ACAD10: variants seen among roughly 807,000 people sequenced by gnomAD.
ACAD10 encodes ACAD-10.
In ACAD10, 112 loss-of-function variants were observed where a neutral mutation model predicts 116.8. The ratio of observed to expected loss-of-function variants is 0.96; its 90% CI spans 0.82 to 1.12. The LOEUF is 1.12. Ranked by LOEUF, ACAD10 falls within the 50% of genes most tolerant of loss-of-function variation. The probability of loss-of-function intolerance (pLI) is 0.00; values close to 1 mark genes in which losing one functional copy is unlikely to be tolerated. For synonymous variants in ACAD10, 486 were observed against 510.6 expected, an observed-to-expected ratio of 0.95 and a Z score of 0.65; for missense variants, 1,259 against 1,350.2, an observed-to-expected ratio of 0.93 and a Z score of 1.06.
intron 18 of ACAD10, among the ~76,000 whole-genome samples, chr12:111,750,451 T>C (rs1890044562): frequency 6.6e-6 from 1 of 152,154 alleles, no homozygotes; most frequent in African/African-American, 2.4e-5. Context: ...CCAGGCATGG[T>C]AGCATGTGTC....
chr12:111,725,599 GT>G (rs1348845059), intron 8 of ACAD10, among the ~76,000 whole-genome samples: 1 of 151,696 alleles, frequency 6.6e-6, no homozygotes, highest in Non-Finnish European at 1.5e-5. Flanking sequence ...AAATGGCGCG[GT>G]CTGGGCACAC....
rs778771340 is a variant in ACAD10 at position 111,721,671 on chromosome 12, G to C, written c.993G>C (p.Arg331Ser). 1.1e-5 allele frequency: 18 copies of C among 1,599,856 alleles called. No individual in the cohort carries two copies. Among genetic ancestry groups the C allele is most frequent in the Non-Finnish European group, 1.3e-5 (15 of 1,169,156 alleles). The change falls in exon 8 of 21, where the codon AGG (arginine) becomes AGC (serine). Residue 331 changes from arginine to serine, a missense_variant and splice_region_variant. Transcript: ENST00000313698. ...TGTTTATTTTCATTTGTCCTTGCAG[G>C]ATTATGAAAGCCCTTGCAAATGCTG... Reference protein sequence around the residue: ...PSAHAIEREFRIMKALANAGV... With the variant: ...PSAHAIEREFSIMKALANAGV...
intron 3 of ACAD10, 76 bp from the exon 4 acceptor site, chr12:111,705,662 T>A (rs1403979280): frequency 4.9e-6 from 6 of 1,215,034 alleles, no homozygotes; most frequent in Non-Finnish European, 6.9e-6. Context: ...GGAATAAGCA[T>A]TTTTTTTTTC....
chr12:111,746,167 T>A lies in ACAD10; in HGVS notation c.2139T>A (p.Leu713=), dbSNP rs1296500060. The change falls in exon 14 of 21, where the codon CTT becomes CTA. Residue 713 remains leucine (L), a synonymous_variant. Coordinates refer to ENST00000313698, the MANE Select transcript of ACAD10 (RefSeq NM_025247.6). ...DLKEKAKAEG[L]WNLFLPLEAD... ...AGGAGAAAGCCAAAGCTGAAGGACT[T>A]TGGAACCTTTTCCTACCCTTAGAGG... 2 of 1,613,736 alleles carry A rather than the reference T, an allele frequency of 1.2e-6. No homozygotes were observed. Among genetic ancestry groups the A allele is most frequent in the Non-Finnish European group, 1.7e-6 (2 of 1,179,952 alleles).
intron 7 of ACAD10, among the ~76,000 whole-genome samples, chr12:111,717,111 TAAA>T (rs2135961978): frequency 6.6e-6 from 1 of 152,206 alleles, no homozygotes; most frequent in Non-Finnish European, 1.5e-5. Context: ...AAGTAAGCCT[TAAA>T]GAAACCAAGG....
rs1236550955 is a variant in ACAD10, at chr12:111,755,606, C to T, written c.2962-62C>T. ...TTAGTAGAGATGGGGGACGGGGGGG[C>T]CTCACTCTGCCACCCAGGCTGCCCT... On this transcript the variant is annotated intron_variant, in intron 19 of 20. Coordinates refer to ENST00000313698, the MANE Select transcript of ACAD10 (RefSeq NM_025247.6). 3 of 1,274,080 alleles carry T rather than the reference C, an allele frequency of 2.4e-6. No individual in the cohort carries two copies. In the Admixed American group the frequency reaches 5.1e-5, roughly 22 times the overall value. The allele number at this position is 1,274,080 out of a possible 1,614,324, so 78.9% of individuals were successfully genotyped here. A position where few individuals can be genotyped will look rare whatever the true frequency, so the allele number is the denominator to read the frequency against.
At chr12:111,739,049 C>A (rs1043130325) in intron 12 of ACAD10, among the ~76,000 whole-genome samples, 1 of 152,040 alleles carries the variant, frequency 6.6e-6, no homozygotes, top group African/African-American at 2.4e-5. Context: ...ACAAATGATA[C>A]TGCAGGCTAT....
chr12:111,728,594 A>T (rs1889294669), intron 9 of ACAD10, among the ~76,000 whole-genome samples: 2 of 152,140 alleles, frequency 1.3e-5, no homozygotes, highest in Admixed American at 6.6e-5. Flanking sequence ...GCTGGTCTCA[A>T]ACTTCTGGGC....
chr12:111,747,130 C>G lies in ACAD10; in HGVS notation c.2338C>G (p.Leu780Val), dbSNP rs549647863. ...YGTEAQKARW[L>V]IPLLEGKARS... ...CACCGAAGCGCAGAAGGCTCGCTGGCTGATTCCTCTGCTGGAGGGGAAAGC... is the reference window on the plus strand; with the variant it reads ...CACCGAAGCGCAGAAGGCTCGCTGGGTGATTCCTCTGCTGGAGGGGAAAGC... Residue 780 changes from leucine (L) to valine (V), a missense_variant, in exon 15 of 21, where the codon CTG becomes GTG. Physicochemically the swap from Leu to Val is conservative, Grantham distance 32 (BLOSUM62 1). Transcript: ENST00000313698. 1 of 1,613,436 alleles carries G rather than the reference C, an allele frequency of 6.2e-7. No homozygotes were observed. Among genetic ancestry groups the G allele is most frequent in the East Asian group, 2.2e-5 (1 of 44,864 alleles).
intron 2 of ACAD10, among the ~76,000 whole-genome samples, chr12:111,698,680 T>C (rs960389337): frequency 6.6e-6 from 1 of 151,778 alleles, no homozygotes; most frequent in South Asian, 2.1e-4. Context: ...TTTCTCCACG[T>C]TGGTCAGGCT....
At position 111,756,505 on chromosome 12, in the gene ACAD10, G is replaced by A; in HGVS notation, c.*32G>A. ...GGGGCTGCAGTGGCTCAATGTCCTGGCTGGTCCAGCTGTGCCCAGATCTGT... is the reference window on the plus strand; with the variant it reads ...GGGGCTGCAGTGGCTCAATGTCCTGACTGGTCCAGCTGTGCCCAGATCTGT... On this transcript the variant is annotated 3_prime_UTR_variant, in exon 21 of 21. Coordinates refer to ENST00000313698, the MANE Select transcript of ACAD10 (RefSeq NM_025247.6). The A allele has an allele frequency of 3.7e-6, 6 of 1,606,136 alleles. No individual in the cohort carries two copies. Among genetic ancestry groups the A allele is most frequent in the Non-Finnish European group, 5.1e-6 (6 of 1,178,332 alleles).
intron 20 of ACAD10, chr12:111,756,000 G>A: frequency 1.3e-6 from 1 of 756,620 alleles, no homozygotes; most frequent in Non-Finnish European, 2.1e-6. Flanking sequence ...CTTGCAAGTA[G>A]CTGACCTCAA....
intron 9 of ACAD10, among the ~76,000 whole-genome samples, chr12:111,728,843 C>G (rs1251967909): frequency 2.0e-5 from 3 of 152,088 alleles, no homozygotes; most frequent in Non-Finnish European, 4.4e-5. Flanking sequence ...GTACGCACCA[C>G]CATGCCCAGC....
chr12:111,702,346 C>CT (rs1888371572), intron 3 of ACAD10, 36 bp downstream of exon 3: 1 of 1,604,024 alleles, frequency 6.2e-7, no homozygotes, highest in Non-Finnish European at 8.5e-7. Context: ...CCATATTTTT[C>CT]TTTTTGCCTT....
intron 8 of ACAD10, among the ~76,000 whole-genome samples, chr12:111,723,324 A>AC (rs1203308986): frequency 3.0e-4 from 25 of 82,056 alleles, no homozygotes; most frequent in Non-Finnish European, 5.0e-4. Context: ...GGGGGGGCTG[A>AC]CCCCCCCACC....
At chr12:111,703,666 C>T (rs1888413897) in intron 3 of ACAD10, among the ~76,000 whole-genome samples, 1 of 151,860 alleles carries the variant, frequency 6.6e-6, no homozygotes, top group Non-Finnish European at 1.5e-5. Flanking sequence ...GGTGAAACCC[C>T]ATCTCTACTA....
chr12:111,734,151 G>A (rs1243353385), intron 11 of ACAD10, 83 bp downstream of exon 11: 10 of 1,587,682 alleles, frequency 6.3e-6, no homozygotes, highest in South Asian at 1.1e-5. Context: ...AGTAGTCCGT[G>A]ATTGGGCGGG....
chr12:111,749,536 T>C (rs1449758370), intron 18 of ACAD10, 191 bp downstream of exon 18: 3 of 748,896 alleles, frequency 4.0e-6, no homozygotes, highest in Non-Finnish European at 6.3e-6. Context: ...CAGAGCAGAA[T>C]GGACCCCACT....
intron 1 of ACAD10, among the ~76,000 whole-genome samples, chr12:111,686,786 C>T (rs997344884): frequency 6.6e-6 from 1 of 152,156 alleles, no homozygotes; most frequent in African/African-American, 2.4e-5. Context: ...CGGGGTCCTC[C>T]TCCCCACCCT....
Sources: gnomAD v4.1 joint callset for allele counts (sites outside exome capture counted in the v4.1 genomes callset) on GRCh38, gnomAD v4.1.1 for gene constraint, MANE v1.5 for transcripts, NCBI Gene and HGNC (gene_info 2026-07-23, HGNC 2026-07-21) for gene names.